ZNF704: variants seen among roughly 807,000 people sequenced by gnomAD.
ZNF704 encodes glucocorticoid induced gene 1.
Under a neutral mutation model 44.7 loss-of-function variants are expected in ZNF704, and 10 were observed. The ratio of observed to expected loss-of-function variants is 0.22; its 90% confidence interval spans 0.14 to 0.38. The LOEUF is 0.38. Ranked by LOEUF, ZNF704 falls within the 10% of genes least tolerant of loss-of-function variation. The pLI is 1.00. For synonymous variants in ZNF704, 211 were observed against 207.6 expected, an observed-to-expected ratio of 1.02 and a Z score of -0.14; for missense variants, 390 against 545.5, an observed-to-expected ratio of 0.71 and a Z score of 2.84.
chr8:80,786,582 A>G (rs1563553099), intron 2 of ZNF704, among the ~76,000 whole-genome samples: 1 of 152,236 alleles, frequency 6.6e-6, no homozygotes, highest in Non-Finnish European at 1.5e-5. Context: ...AGAACCATCC[A>G]CGTAACTTAC....
intron 2 of ZNF704, among the ~76,000 whole-genome samples, chr8:80,701,733 G>A (rs1445642323): frequency 6.6e-6 from 1 of 152,216 alleles, no homozygotes; most frequent in African/African-American, 2.4e-5. Flanking sequence ...AGCATTAAGT[G>A]ATGTAGAGAG....
chr8:80,747,720 G>T (rs1038022383), intron 2 of ZNF704, among the ~76,000 whole-genome samples: 4 of 151,700 alleles, frequency 2.6e-5, no homozygotes, highest in Non-Finnish European at 4.4e-5. Context: ...TGGTTTTTTT[G>T]TTTGTTTGTT....
rs1817538721 is a variant in ZNF704 at position 80,628,565 on chromosome 8, G to A, written c.*12801C>T. The stretch of plus-strand genomic sequence containing the variant: ...GTGTGGACACTGTAGAAGTCAAAAT[G>A]GTCTTTTGAAAGTCCAGTGTTCTGG... On this transcript the variant is annotated 3_prime_UTR_variant, in exon 9 of 9. Coordinates refer to ENST00000327835, the MANE Select transcript of ZNF704 (RefSeq NM_001033723.3). 5 of 152,204 alleles carry A rather than the reference G, an allele frequency of 3.3e-5. No homozygotes were observed. Among genetic ancestry groups the A allele is most frequent in the Admixed American group, 3.3e-4 (5 of 15,280 alleles). The allele number at this position is 152,204 out of a possible 1,614,324, so 9.4% of individuals were successfully genotyped here. A position where few individuals can be genotyped will look rare whatever the true frequency, so the allele number is the denominator to read the frequency against.
At chr8:80,843,114 T>C (rs1431109088) in intron 1 of ZNF704, among the ~76,000 whole-genome samples, 1 of 152,256 alleles carries the variant, frequency 6.6e-6, no homozygotes, top group Non-Finnish European at 1.5e-5. Flanking sequence ...ATTTGGCCTA[T>C]GGACTGATTC....
Position 80,636,578 on chromosome 8 carries a change from T to C in ZNF704, c.*4788A>G, listed in dbSNP as rs547434678. The C allele has an allele frequency of 6.6e-6, 1 of 152,322 alleles. No homozygotes were observed. Among genetic ancestry groups the C allele is most frequent in the South Asian group, 2.1e-4 (1 of 4,824 alleles). 9.4% of individuals were successfully genotyped at this position (152,322 alleles called of 1,614,324 possible). A position where few individuals can be genotyped will look rare whatever the true frequency, so the allele number is the denominator to read the frequency against. ...AAAAAGATACATGAAACAGTTCCAA[T>C]ATGGAGGAATCCCCACAGGTATGAG... On this transcript the variant is annotated 3_prime_UTR_variant, in exon 9 of 9. Coordinates refer to ENST00000327835, the MANE Select transcript of ZNF704 (RefSeq NM_001033723.3).
chr8:80,631,513 GTAAT>G lies in ZNF704; in HGVS notation c.*9849_*9852del, dbSNP rs1280702030. The stretch of plus-strand genomic sequence containing the variant: ...TTGTGGGCAGAAGTCAGAGCCTGGA[GTAAT>G]TAAACATGGAGCCCTCTTGCTCTGT... On this transcript the variant is annotated 3_prime_UTR_variant, in exon 9 of 9. Coordinates refer to ENST00000327835, the MANE Select transcript of ZNF704 (RefSeq NM_001033723.3). The G allele has an allele frequency of 4.6e-5, 7 of 152,364 alleles. No homozygotes were observed. The highest frequency in any genetic ancestry group is 1.7e-4 in the African/African-American group (7 of 41,576). 9.4% of individuals were successfully genotyped at this position (152,364 alleles called of 1,614,324 possible). A position where few individuals can be genotyped will look rare whatever the true frequency, so the allele number is the denominator to read the frequency against.
At chr8:80,813,887 AG>A (rs1255183982) in intron 2 of ZNF704, among the ~76,000 whole-genome samples, 1 of 152,138 alleles carries the variant, frequency 6.6e-6, no homozygotes, top group Non-Finnish European at 1.5e-5. Flanking sequence ...TCAAAAAAAA[AG>A]AAAAGAAAAG....
intron 1 of ZNF704, among the ~76,000 whole-genome samples, chr8:80,837,093 A>G (rs990893716): frequency 6.6e-6 from 1 of 152,188 alleles, no homozygotes; most frequent in Non-Finnish European, 1.5e-5. Context: ...ATAAAAGTCT[A>G]AGGAGGATAG....
chr8:80,692,861 A>G, intron 3 of ZNF704, 143 bp downstream of exon 3: 1 of 716,342 alleles, frequency 1.4e-6, no homozygotes, highest in Non-Finnish European at 2.3e-6. Context: ...GGGGGCCTCG[A>G]CTTCTTCCAC....
intron 4 of ZNF704, among the ~76,000 whole-genome samples, chr8:80,673,917 G>C (rs1481395467): frequency 6.6e-6 from 1 of 152,236 alleles, no homozygotes; most frequent in Non-Finnish European, 1.5e-5. Flanking sequence ...CTCTGCCTGG[G>C]TGGCCAGCAT....
chr8:80,718,305 C>T (rs1446810103), intron 2 of ZNF704, among the ~76,000 whole-genome samples: 1 of 152,006 alleles, frequency 6.6e-6, no homozygotes, highest in Non-Finnish European at 1.5e-5. Context: ...TATATCATGC[C>T]CCCTAATGCT....
intron 2 of ZNF704, among the ~76,000 whole-genome samples, chr8:80,772,328 T>C (rs1807334711): frequency 6.6e-6 from 1 of 152,138 alleles, no homozygotes; most frequent in Admixed American, 6.6e-5. Context: ...TTGTATTAGA[T>C]TGTTCTTGCA....
chr8:80,883,074 C>CA, the ZNF704 span, among the ~76,000 whole-genome samples: 6,469 of 42,938 alleles, frequency 0.15, 497 homozygotes, highest in African/African-American at 0.25. Context: ...CCTGTCTCTA[C>CA]AAAAAAAAAA....
chr8:80,731,543 T>C (rs1469836475), intron 2 of ZNF704, among the ~76,000 whole-genome samples: 1 of 152,240 alleles, frequency 6.6e-6, no homozygotes, highest in Non-Finnish European at 1.5e-5. Flanking sequence ...CAACTATCAC[T>C]ACTTTCTATA....
intron 6 of ZNF704, among the ~76,000 whole-genome samples, chr8:80,660,202 G>T (rs1818077203): frequency 6.6e-6 from 1 of 152,164 alleles, no homozygotes; most frequent in Non-Finnish European, 1.5e-5. Context: ...GCTGGGCGTG[G>T]TGGCTCATGC....
chr8:80,760,108 G>C (rs563943222), intron 2 of ZNF704, among the ~76,000 whole-genome samples: 1 of 152,246 alleles, frequency 6.6e-6, no homozygotes, highest in South Asian at 2.1e-4. Context: ...ATGAGCAGTT[G>C]ACCCAGCTAA....
intron 2 of ZNF704, among the ~76,000 whole-genome samples, chr8:80,795,070 A>T (rs1192803294): frequency 6.6e-6 from 1 of 152,196 alleles, no homozygotes; most frequent in East Asian, 1.9e-4. Context: ...TGGATGCAGA[A>T]TCCAGCTGTA....
intron 2 of ZNF704, among the ~76,000 whole-genome samples, chr8:80,781,661 G>C (rs1807525544): frequency 1.3e-5 from 2 of 152,136 alleles, no homozygotes; most frequent in Admixed American, 1.3e-4. Context: ...AATACACCAG[G>C]ATAATCCCCA....
chr8:80,772,142 A>G (rs1001452581), intron 2 of ZNF704, among the ~76,000 whole-genome samples: 1 of 152,130 alleles, frequency 6.6e-6, no homozygotes, highest in Admixed American at 6.6e-5. Flanking sequence ...GAATTTTTGA[A>G]TCTGTAGCCA....
Sources: allele counts gnomAD v4.1 joint callset (sites outside exome capture counted in the v4.1 genomes callset), GRCh38; gene constraint gnomAD v4.1.1; transcripts MANE v1.5; gene names NCBI Gene and HGNC (gene_info 2026-07-23, HGNC 2026-07-21).